Variants in KIAA0319L observed in about 807,000 individuals in gnomAD.
KIAA0319L encodes the protein KIAA0319 like.
In KIAA0319L, 55 loss-of-function variants were observed where a neutral mutation model predicts 120.1. The ratio of observed to expected loss-of-function variants is 0.46; its 90% CI spans 0.37 to 0.57. KIAA0319L has a LOEUF of 0.57. Among genes scored for constraint, KIAA0319L ranks in the 20% least tolerant of loss-of-function variants. KIAA0319L has a pLI of 0.00. For missense variants in KIAA0319L, 1,049 were observed against 1,255.3 expected (o/e 0.84, Z 2.48); for synonymous variants, 398 against 471.9 (o/e 0.84, Z 2.03).
chr1:35,521,273 A>G (rs1190894927), intron 2 of KIAA0319L, among the ~76,000 whole-genome samples: 1 of 152,166 alleles, frequency 6.6e-6, no homozygotes, highest in Non-Finnish European at 1.5e-5. Flanking sequence ...CAGAAGACGG[A>G]GGTTGCAGTG....
chr1:35,455,625 G>C (rs1642390400), intron 10 of KIAA0319L, among the ~76,000 whole-genome samples: 1 of 140,164 alleles, frequency 7.1e-6, no homozygotes, highest in Non-Finnish European at 1.5e-5. Flanking sequence ...CTGTCACCCA[G>C]GCTGGAGTGC....
rs1483903570 is a variant in KIAA0319L at position 35,453,721 on chromosome 1, G to T, written c.1781-32C>A. 4 of 1,603,234 alleles carry T rather than the reference G, an allele frequency of 2.5e-6. No homozygotes were observed. Among genetic ancestry groups the T allele is most frequent in the Non-Finnish European group, 3.4e-6 (4 of 1,173,572 alleles). On this transcript the variant is annotated intron_variant, in intron 11 of 20. Transcript: ENST00000325722. The surrounding 1 kb of genome is among the most constrained non-coding windows in gnomAD (Gnocchi z 4.1). ...GACAAAGAGTTAGAGGTCAAAAGCAGCCAGTCCAGGTGGGAAAGGAGAGGA... is the reference window on the plus strand; with the variant it reads ...GACAAAGAGTTAGAGGTCAAAAGCATCCAGTCCAGGTGGGAAAGGAGAGGA...
At chr1:35,477,940 G>A (rs1443715728) in intron 4 of KIAA0319L, among the ~76,000 whole-genome samples, 8 of 152,168 alleles carry the variant, frequency 5.3e-5, no homozygotes, top group Non-Finnish European at 1.0e-4. Context: ...TATCGAAGAG[G>A]TATCTGCACT....
chr1:35,542,165 T>C (rs1368038911), intron 2 of KIAA0319L, among the ~76,000 whole-genome samples: 3 of 152,240 alleles, frequency 2.0e-5, no homozygotes, highest in Non-Finnish European at 4.4e-5. Context: ...TTTTACGTTA[T>C]TGCTAACAAT....
intron 2 of KIAA0319L, among the ~76,000 whole-genome samples, chr1:35,548,419 T>C (rs867348012): frequency 6.6e-6 from 1 of 152,204 alleles, no homozygotes; most frequent in East Asian, 1.9e-4. Flanking sequence ...TAATACAGTA[T>C]TAATAGTTTT....
At chr1:35,450,132 T>G in intron 14 of KIAA0319L, 127 bp from the exon 15 acceptor site, 1 of 1,200,218 alleles carries the variant, frequency 8.3e-7, no homozygotes, top group Middle Eastern at 2.0e-4. Context: ...CAGTTCCTGA[T>G]ACGGAACAGC....
chr1:35,486,376 GAAAAAA>G (rs899924972), intron 3 of KIAA0319L, among the ~76,000 whole-genome samples: 2 of 52,146 alleles, frequency 3.8e-5, no homozygotes, highest in Admixed American at 2.2e-4. Flanking sequence ...CCTGTCTCAA[GAAAAAA>G]AAAAAAAAAA....
At chr1:35,532,515 A>G (rs960998733) in intron 2 of KIAA0319L, among the ~76,000 whole-genome samples, 1 of 152,230 alleles carries the variant, frequency 6.6e-6, no homozygotes, top group Admixed American at 6.5e-5. Flanking sequence ...CCTTTGAAGA[A>G]TAATTTAACT....
chr1:35,538,507 C>G (rs2148486577), intron 2 of KIAA0319L, among the ~76,000 whole-genome samples: 1 of 144,644 alleles, frequency 6.9e-6, no homozygotes, highest in South Asian at 2.2e-4. Context: ...AGGAGAATTG[C>G]TTGCAGCTGG....
intron 2 of KIAA0319L, among the ~76,000 whole-genome samples, chr1:35,551,909 A>C (rs561895062): frequency 6.6e-6 from 1 of 152,162 alleles, no homozygotes; most frequent in Non-Finnish European, 1.5e-5. Context: ...GTTACTAAAG[A>C]CTTGCACAAT....
At position 35,437,411 on chromosome 1, in the gene KIAA0319L, G is replaced by A. The variant is rs1376259981; in HGVS notation, c.2963-2330C>T. Among the ~76,000 whole-genome samples, 2 of 152,152 alleles carry A rather than the reference G, an allele frequency of 1.3e-5. No homozygotes were observed. The highest frequency in any genetic ancestry group is 4.8e-5 in the African/African-American group (2 of 41,424). ...ATTCGACATTGCCACCCACAGATCT[G>A]TTCATGAGCCCTTCTCTGAGGAAGA... On this transcript the variant is annotated intron_variant, in intron 20 of 20. Coordinates refer to ENST00000325722, the MANE Select transcript of KIAA0319L (RefSeq NM_024874.5). This position sits in a 1 kb window ranked among gnomAD's most constrained non-coding sequence, Gnocchi z 4.1.
At chr1:35,497,854 T>C (rs1644870096) in intron 3 of KIAA0319L, among the ~76,000 whole-genome samples, 1 of 152,248 alleles carries the variant, frequency 6.6e-6, no homozygotes, top group South Asian at 2.1e-4. Flanking sequence ...TTAGAAACTA[T>C]TGCTTTAGAC....
At chr1:35,545,306 G>C (rs980513618) in intron 2 of KIAA0319L, among the ~76,000 whole-genome samples, 4 of 152,124 alleles carry the variant, frequency 2.6e-5, no homozygotes, top group Non-Finnish European at 5.9e-5. Flanking sequence ...CACCAGCAGA[G>C]ACACCAGAAA....
At chr1:35,540,366 G>C (rs968131432) in intron 2 of KIAA0319L, among the ~76,000 whole-genome samples, 5 of 152,202 alleles carry the variant, frequency 3.3e-5, no homozygotes, top group Admixed American at 3.3e-4. Flanking sequence ...GCATTGGAAT[G>C]GTTCACCTAA....
intron 3 of KIAA0319L, among the ~76,000 whole-genome samples, chr1:35,495,432 T>C (rs1644763720): frequency 6.6e-6 from 1 of 152,150 alleles, no homozygotes; most frequent in African/African-American, 2.4e-5. Flanking sequence ...CTTTCTCAGA[T>C]ACAACACCAA....
intron 2 of KIAA0319L, among the ~76,000 whole-genome samples, chr1:35,523,113 A>G (rs1053130772): frequency 6.6e-6 from 1 of 151,500 alleles, no homozygotes; most frequent in Non-Finnish European, 1.5e-5. Context: ...CCTATGTTCC[A>G]ATCTACCAGC....
chr1:35,450,119 G>T, intron 14 of KIAA0319L, 114 bp from the exon 15 acceptor site: 2 of 1,314,828 alleles, frequency 1.5e-6, no homozygotes, highest in Non-Finnish European at 2.2e-6. Context: ...TTTCAACCTT[G>T]GGCAGTTCCT....
intron 3 of KIAA0319L, among the ~76,000 whole-genome samples, chr1:35,495,435 A>T (rs1467178830): frequency 6.6e-6 from 1 of 152,146 alleles, no homozygotes; most frequent in Non-Finnish European, 1.5e-5. Flanking sequence ...TCTCAGATAC[A>T]ACACCAAAAA....
chr1:35,517,611 T>A (rs1645738046), intron 2 of KIAA0319L, among the ~76,000 whole-genome samples: 1 of 152,126 alleles, frequency 6.6e-6, no homozygotes, highest in South Asian at 2.1e-4. Context: ...ATAAAAACCC[T>A]GGAAGACAAC....
Sources: gnomAD v4.1 joint callset for allele counts (sites outside exome capture counted in the v4.1 genomes callset) on GRCh38, gnomAD v4.1.1 for gene constraint, Gnocchi (gnomAD v3.1) non-coding constraint, MANE v1.5 for transcripts, NCBI Gene and HGNC (gene_info 2026-07-23, HGNC 2026-07-21) for gene names.